ARSF: variants seen among roughly 807,000 people sequenced by gnomAD.
ARSF encodes the protein arylsulfatase F.
In ARSF, 33 loss-of-function variants were observed where a neutral mutation model predicts 35.4. That is an observed-to-expected ratio of 0.93 (90% CI 0.71 to 1.25). The LOEUF (loss-of-function observed/expected upper bound fraction) is 1.25. Among genes scored for constraint, ARSF ranks in the 50% most tolerant of loss-of-function variants. The pLI is 0.00. For missense variants in ARSF, 501 were observed against 480.2 expected (o/e 1.04, Z -0.40); for synonymous variants, 222 against 193.1 (o/e 1.15, Z -1.24).
At chrX:3,072,214 G>A (rs1392829807) in intron 3 of ARSF, 39 bp downstream of exon 3, 2 of 1,185,400 alleles carry the variant, frequency 1.7e-6, no homozygotes, top group Non-Finnish European at 1.1e-6. Context: ...TTCGTCAGTC[G>A]TTCAGGTTCA....
At position 3,091,150 on chromosome X, in the gene ARSF, G is replaced by A. The variant is rs143709377; in HGVS notation, c.967+1518G>A. On this transcript the variant is annotated intron_variant, in intron 7 of 10. Coordinates refer to ENST00000381127, the MANE Select transcript of ARSF (RefSeq NM_001201539.2). ...GGCTGCTCTTGAACTCCCAAGCTCAGGTAATATGCCTGCCTCAGCCTCTCA... is the reference window on the plus strand; with the variant it reads ...GGCTGCTCTTGAACTCCCAAGCTCAAGTAATATGCCTGCCTCAGCCTCTCA... 6.6e-3 allele frequency among the ~76,000 whole-genome samples: 737 copies of A among 111,818 alleles called. 3 individuals are homozygous for A. The highest frequency in any genetic ancestry group is 0.023 in the African/African-American group (706 of 30,789).
rs1438886407 is a variant in ARSF at position 3,066,418 on chromosome X, A to G, written c.-28-1655A>G. ...TCCATTTCCCTCCCACGTCCCCACC[A>G]CCTTTAGTTGGGAGCACAGATGTCC... On this transcript the variant is annotated intron_variant, in intron 1 of 10. Transcript: ENST00000381127. 4.5e-5 allele frequency among the ~76,000 whole-genome samples: 5 copies of G among 110,806 alleles called. No individual in the cohort carries two copies. The Admixed American group carries it at 4.8e-4, about 11-fold the overall frequency.
At chrX:3,081,115 G>A in intron 5 of ARSF, 102 bp downstream of exon 5, 1 of 1,063,410 alleles carries the variant, frequency 9.4e-7, no homozygotes, top group Non-Finnish European at 1.3e-6. Flanking sequence ...ATTTTACAAT[G>A]TCTTATGTAA....
At chrX:3,059,624 A>G (rs982417448) in intron 1 of ARSF, among the ~76,000 whole-genome samples, 5 of 112,527 alleles carry the variant, frequency 4.4e-5, no homozygotes, top group African/African-American at 1.6e-4. Context: ...AGAGCACACC[A>G]GGAGATTATA....
chrX:3,053,674 C>T (rs1310593404), intron 1 of ARSF, among the ~76,000 whole-genome samples: 1 of 109,399 alleles, frequency 9.1e-6, no homozygotes, highest in East Asian at 2.8e-4. Flanking sequence ...GATTGCGGCT[C>T]ACTGCAACCT....
intron 4 of ARSF, among the ~76,000 whole-genome samples, chrX:3,077,252 C>A (rs1407052986): frequency 8.9e-6 from 1 of 112,137 alleles, no homozygotes; most frequent in African/African-American, 3.2e-5. Context: ...CCCAGGTCAA[C>A]AAAGATAAGC....
chrX:3,086,481 A>T (rs2090248956), intron 6 of ARSF, among the ~76,000 whole-genome samples: 2 of 112,187 alleles, frequency 1.8e-5, no homozygotes, highest in Non-Finnish European at 3.8e-5. Context: ...AACTATTTTT[A>T]TCTGGATTCT....
At chrX:3,080,846 T>C in intron 4 of ARSF, 45 bp from the exon 5 acceptor site, 1 of 1,199,456 alleles carries the variant, frequency 8.3e-7, no homozygotes, top group Non-Finnish European at 1.1e-6. Context: ...ATATTCCCTC[T>C]GTAGCAACAC....
chrX:3,042,451 AT>A (rs1276266590), intron 1 of ARSF, among the ~76,000 whole-genome samples: 5 of 112,077 alleles, frequency 4.5e-5, no homozygotes, highest in East Asian at 2.8e-4. Context: ...TTTCTAAAAA[AT>A]ATGTTCTTAT....
intron 9 of ARSF, among the ~76,000 whole-genome samples, chrX:3,105,867 T>C (rs1233414002): frequency 8.9e-6 from 1 of 112,332 alleles, no homozygotes; most frequent in Non-Finnish European, 1.9e-5. Context: ...TTAGAAATAG[T>C]TGTTTTAAGA....
At chrX:3,082,429 A>T (rs1046469160) in intron 5 of ARSF, among the ~76,000 whole-genome samples, 16 of 111,431 alleles carry the variant, frequency 1.4e-4, no homozygotes, top group Non-Finnish European at 2.8e-4. Context: ...TCAATCCATC[A>T]TCTATCATTT....
chrX:3,094,419 C>T (rs2090325570), intron 7 of ARSF, among the ~76,000 whole-genome samples: 1 of 111,919 alleles, frequency 8.9e-6, no homozygotes, highest in Admixed American at 9.5e-5. Flanking sequence ...CAAAAACTTC[C>T]CCCAACCTGG....
chrX:3,109,706 G>C (rs1196762779), intron 9 of ARSF, among the ~76,000 whole-genome samples: 2 of 111,770 alleles, frequency 1.8e-5, no homozygotes, highest in Non-Finnish European at 3.8e-5. Flanking sequence ...TTCTGTTTGT[G>C]CGTTCATTTA....
At chrX:3,059,192 GTGGCTCATGCT>G (rs2090031530) in intron 1 of ARSF, among the ~76,000 whole-genome samples, 2 of 111,583 alleles carry the variant, frequency 1.8e-5, no homozygotes, top group Admixed American at 1.9e-4. Context: ...GCCAGGCACG[GTGGCTCATGCT>G]TGTAATCCCA....
chrX:3,077,044 GA>G (rs374354398), intron 4 of ARSF, among the ~76,000 whole-genome samples: 49 of 109,240 alleles, frequency 4.5e-4, no homozygotes, highest in African/African-American at 1.6e-3. Flanking sequence ...GTGTTAGAAA[GA>G]AAAAAAAAGA....
At position 3,112,550 on chromosome X, in the gene ARSF, G is replaced by A; in HGVS notation, c.1767G>A (p.Lys589=). ...EVSQPRGPNE[K]R ...CTCAGCCTCGGGGTCCTAACGAGAAGAGATAATTACAATCAGGCTACCAGA... is the reference window on the plus strand; with the variant it reads ...CTCAGCCTCGGGGTCCTAACGAGAAAAGATAATTACAATCAGGCTACCAGA... The change falls in exon 11 of 11, where the codon AAG becomes AAA. Residue 589 remains lysine, a synonymous_variant. Transcript: ENST00000381127. 2 of 1,200,784 alleles carry A rather than the reference G, an allele frequency of 1.7e-6. No homozygotes were observed. The highest frequency in any genetic ancestry group is 2.2e-6 in the Non-Finnish European group (2 of 891,504).
In ARSF at chrX:3,101,126, A is replaced by G. The variant is rs1196543784; in HGVS notation, c.1007A>G (p.Asn336Ser). 1 of 1,211,073 alleles carries G rather than the reference A, an allele frequency of 8.3e-7. No individual in the cohort carries two copies. Among genetic ancestry groups the G allele is most frequent in the African/African-American group, 1.7e-5 (1 of 57,745 alleles). The change falls in exon 8 of 11, where the codon AAC (asparagine) becomes AGC (serine). Residue 336 changes from asparagine to serine, a missense_variant. Physicochemically the swap from Asn to Ser is conservative, Grantham distance 46 (BLOSUM62 1). Coordinates refer to ENST00000381127, the MANE Select transcript of ARSF (RefSeq NM_001201539.2). ...LDAIDDFGLR[N>S]NTLVYFTSDH... Reference sequence around the variant, plus strand: ...GCTATCGATGATTTTGGCCTAAGGAACAACACCCTTGTCTACTTTACATCA... The same window carrying G: ...GCTATCGATGATTTTGGCCTAAGGAGCAACACCCTTGTCTACTTTACATCA...
At chrX:3,050,420 C>G (rs1216513252) in intron 1 of ARSF, among the ~76,000 whole-genome samples, 2 of 109,212 alleles carry the variant, frequency 1.8e-5, no homozygotes, top group African/African-American at 6.7e-5. Context: ...GTGGCACGCA[C>G]CTGTAATCCC....
rs770014108 is a variant in ARSF, at chrX:3,055,342, C to CAAAAAAAAAAAAAA, written c.-28-12721_-28-12708dup. The stretch of plus-strand genomic sequence containing the variant: ...GGGCAACAAGAGCAAAACTCCATTT[C>CAAAAAAAAAAAAAA]AAAAAAAAAAAAAAAAAAAAAAATC... On this transcript the variant is annotated intron_variant, in intron 1 of 10. Transcript: ENST00000381127. Among the ~76,000 whole-genome samples the CAAAAAAAAAAAAAA allele has an allele frequency of 2.1e-3, 68 of 32,430 alleles. 1 individual carries two copies. Among genetic ancestry groups the CAAAAAAAAAAAAAA allele is most frequent in the African/African-American group, 4.4e-3 (38 of 8,688 alleles). 28.2% of individuals were successfully genotyped at this position (32,430 alleles called of 115,157 possible).
Sources: allele counts gnomAD v4.1 joint callset (sites outside exome capture counted in the v4.1 genomes callset), GRCh38; gene constraint gnomAD v4.1.1; transcripts MANE v1.5; gene names NCBI Gene and HGNC (gene_info 2026-07-23, HGNC 2026-07-21).